ZNF714: variants seen among roughly 807,000 people sequenced by gnomAD.
ZNF714 encodes the protein zinc finger protein 714.
In ZNF714, 32 loss-of-function variants were observed where a neutral mutation model predicts 46.2. That is an observed-to-expected ratio of 0.69 (90% CI 0.52 to 0.93). The LOEUF is 0.93. ZNF714 is among the 40% of genes least tolerant of loss of function. ZNF714 has a pLI of 0.00. For synonymous variants in ZNF714, 199 were observed against 213.1 expected (o/e 0.93, Z 0.58); for missense variants, 635 against 646.3 (o/e 0.98, Z 0.19).
At chr19:21,097,481 A>G (rs1438486396) in intron 2 of ZNF714, among the ~76,000 whole-genome samples, 3 of 152,176 alleles carry the variant, frequency 2.0e-5, no homozygotes, top group Admixed American at 6.5e-5. Flanking sequence ...TTTTTTCACT[A>G]TAGAGTTAAT....
Position 21,117,220 on chromosome 19 carries a change from T to A in ZNF714, c.556T>A (p.Ser186Thr), listed in dbSNP as rs894720707. 11 of 1,613,964 alleles carry A rather than the reference T, an allele frequency of 6.8e-6. No homozygotes were observed. Among genetic ancestry groups the A allele is most frequent in the Admixed American group, 5.0e-5 (3 of 60,000 alleles). The change falls in exon 5 of 5, where the codon TCA (serine) becomes ACA (threonine). Residue 186 changes from serine (S) to threonine (T), a missense_variant. By Grantham distance (58) the Ser-to-Thr change is moderately conservative. Transcript: ENST00000456283. ...ATGTGACAAAGTGTTTAAGCGGTTC[T>A]CAACCCTTACTAGACACAAGAGAGT... Reference protein sequence around the residue: ...EECDKVFKRFSTLTRHKRVHT... With the variant: ...EECDKVFKRFTTLTRHKRVHT...
chr19:21,102,165 G>T (rs1969196757), intron 4 of ZNF714, among the ~76,000 whole-genome samples: 1 of 152,110 alleles, frequency 6.6e-6, no homozygotes. Context: ...TAATCAAATA[G>T]AGCACCTTTT....
intron 4 of ZNF714, among the ~76,000 whole-genome samples, chr19:21,112,113 G>A (rs1184024586): frequency 6.6e-6 from 1 of 152,180 alleles, no homozygotes; most frequent in Non-Finnish European, 1.5e-5. Flanking sequence ...CATAGAATGA[G>A]TTAAGGAGAG....
chr19:21,100,811 A>G (rs1969160986), intron 4 of ZNF714, among the ~76,000 whole-genome samples: 1 of 151,984 alleles, frequency 6.6e-6, no homozygotes, highest in Non-Finnish European at 1.5e-5. Flanking sequence ...CCTGGGTTCA[A>G]ATGATTCTCC....
chr19:21,116,643 T>C (rs1273280927), intron 4 of ZNF714, among the ~76,000 whole-genome samples, 164 bp from the exon 5 acceptor site: 1 of 152,170 alleles, frequency 6.6e-6, no homozygotes. Flanking sequence ...TGTATTTTGG[T>C]CAGTATGCTT....
rs372934750 is a variant in ZNF714, at chr19:21,116,932, G to A, written c.268G>A (p.Ala90Thr). The change falls in exon 5 of 5, where the codon GCA becomes ACA. Residue 90 changes from alanine (A) to threonine (T), a missense_variant. Ala to Thr is a moderately conservative substitution (Grantham distance 58). Transcript: ENST00000456283. ...GAATTTACAGTTAAGAAAAGGCTCC[G>A]CAAATGTGGTTGAGTGTAAGGTGTA... is the stretch of plus-strand genomic sequence containing the variant. ...HENLQLRKGS[A>T]NVVECKVYKK... 1.5e-5 allele frequency: 24 copies of A among 1,613,740 alleles called. No individual in the cohort carries two copies. The highest frequency in any genetic ancestry group is 5.5e-5 in the South Asian group (5 of 91,060).
intron 4 of ZNF714, among the ~76,000 whole-genome samples, chr19:21,110,400 G>A (rs1477484648): frequency 1.3e-5 from 2 of 151,904 alleles, no homozygotes; most frequent in African/African-American, 4.8e-5. Context: ...CTTCTTTTGA[G>A]GCGTGTTTCT....
chr19:21,103,123 A>G (rs1969224622), intron 4 of ZNF714, among the ~76,000 whole-genome samples: 2 of 150,610 alleles, frequency 1.3e-5, no homozygotes, highest in African/African-American at 4.9e-5. Context: ...ATGTCTTATT[A>G]TCTCCATGTG....
Position 21,117,963 on chromosome 19 carries a change from T to G in ZNF714, c.1299T>G (p.Ala433=). The change falls in exon 5 of 5, where the codon GCT becomes GCG. Residue 433 remains alanine (A), a synonymous_variant. Transcript: ENST00000456283. Reference sequence around the variant, plus strand: ...ACAAATGTGAAGAATGTGGCAAAGCTTTTAACCGATCCTCAAACCTTACTA... The same window carrying G: ...ACAAATGTGAAGAATGTGGCAAAGCGTTTAACCGATCCTCAAACCTTACTA... ...KLYKCEECGK[A]FNRSSNLTTH... The G allele has an allele frequency of 6.2e-7, 1 of 1,608,376 alleles. No individual in the cohort carries two copies. Among genetic ancestry groups the G allele is most frequent in the Non-Finnish European group, 8.5e-7 (1 of 1,178,528 alleles).
Position 21,118,155 on chromosome 19 carries a change from T to C in ZNF714, c.1491T>C (p.Thr497=), listed in dbSNP as rs2144883281. The C allele has an allele frequency of 6.2e-7, 1 of 1,613,550 alleles. No individual in the cohort carries two copies. Among genetic ancestry groups the C allele is most frequent in the Admixed American group, 1.7e-5 (1 of 59,970 alleles). Reference sequence around the variant, plus strand: ...CCTTTAACCAATCCTCAACTCTTACTAAACATAGGAAAATTCAGCAGGGCA... The same window carrying C: ...CCTTTAACCAATCCTCAACTCTTACCAAACATAGGAAAATTCAGCAGGGCA... ...GKAFNQSSTL[T]KHRKIQQGMV... The change falls in exon 5 of 5, where the codon ACT becomes ACC. Residue 497 remains threonine (T), a synonymous_variant. Transcript: ENST00000456283.
intron 2 of ZNF714, among the ~76,000 whole-genome samples, chr19:21,097,301 C>T (rs763700196): frequency 2.9e-4 from 44 of 152,168 alleles, no homozygotes; most frequent in Non-Finnish European, 3.8e-4. Context: ...TCTTGACCTT[C>T]GCATGAAACT....
chr19:21,083,297 A>G (rs1438621038), intron 1 of ZNF714, among the ~76,000 whole-genome samples: 2 of 152,140 alleles, frequency 1.3e-5, no homozygotes. Flanking sequence ...GGCCTCCCCA[A>G]AGTGCTGGGA....
rs1969759645 is a variant in ZNF714 at position 21,124,380 on chromosome 19, T to G, written c.*6048T>G. On this transcript the variant is annotated 3_prime_UTR_variant, in exon 5 of 5. Coordinates refer to ENST00000456283, the MANE Select transcript of ZNF714 (RefSeq NM_182515.4). ...TGTTAAATATCAGAGTTCCTATGAT[T>G]ATGACTAAAAAATTAAATGACAATA... Among the ~76,000 whole-genome samples, 1 of 152,220 alleles carries G rather than the reference T, an allele frequency of 6.6e-6. No homozygotes were observed. Among genetic ancestry groups the G allele is most frequent in the Non-Finnish European group, 1.5e-5 (1 of 68,046 alleles).
Position 21,124,854 on chromosome 19 carries a change from AT to A in ZNF714, c.*6524del, listed in dbSNP as rs1293640726. The A allele has an allele frequency of 2.6e-5, 4 of 152,018 alleles. No homozygotes were observed. In the South Asian group the frequency reaches 8.3e-4, roughly 32 times the overall value. 9.4% of individuals were successfully genotyped at this position (152,018 alleles called of 1,614,324 possible). On this transcript the variant is annotated 3_prime_UTR_variant, in exon 5 of 5. Coordinates refer to ENST00000456283, the MANE Select transcript of ZNF714 (RefSeq NM_182515.4). ...CCATGTATAGGTGAAATCATGAAAT[AT>A]TAATCTTTCTGTGCCTGGCCTATCC...
chr19:21,107,717 T>A (rs1382319461), intron 4 of ZNF714, among the ~76,000 whole-genome samples: 1 of 152,118 alleles, frequency 6.6e-6, no homozygotes, highest in Non-Finnish European at 1.5e-5. Context: ...GAGACAGGGT[T>A]TTCTTACGTT....
chr19:21,114,268 CT>C (rs1403617071), intron 4 of ZNF714, among the ~76,000 whole-genome samples: 1 of 151,856 alleles, frequency 6.6e-6, no homozygotes, highest in Non-Finnish European at 1.5e-5. Context: ...GAAACCTCGT[CT>C]ACTAAAAATA....
intron 4 of ZNF714, among the ~76,000 whole-genome samples, chr19:21,106,286 C>T (rs1260781370): frequency 6.8e-5 from 10 of 148,042 alleles, no homozygotes; most frequent in Non-Finnish European, 1.1e-4. Flanking sequence ...AAAATAAAAT[C>T]GGGCCGGGCA....
Position 21,117,803 on chromosome 19 carries a change from A to G in ZNF714, c.1139A>G (p.His380Arg), listed in dbSNP as rs1256567295. 6 of 1,610,500 alleles carry G rather than the reference A, an allele frequency of 3.7e-6. No individual in the cohort carries two copies. The highest frequency in any genetic ancestry group is 4.2e-6 in the Non-Finnish European group (5 of 1,178,620). Residue 380 changes from histidine to arginine, a missense_variant, in exon 5 of 5, where the codon CAC (histidine) becomes CGC (arginine). Transcript: ENST00000456283. ...KCEECGKAFN[H>R]SSKLTIHKII... is the part of the protein sequence containing the mutation. ...GAAGAATGTGGCAAAGCCTTTAACC[A>G]CTCCTCAAAACTTACTATACATAAG... is the stretch of plus-strand genomic sequence containing the variant.
chr19:21,116,949 T>A lies in ZNF714; in HGVS notation c.285T>A (p.Cys95Ter). ...LRKGSANVVECKVYKKGYNEL... is the reference protein window; with the variant it reads ...LRKGSANVVE ...AAGGCTCCGCAAATGTGGTTGAGTG[T>A]AAGGTGTACAAAAAAGGTTATAATG... Residue 95 changes from cysteine (C) to a stop codon, truncating the protein, a stop_gained, in exon 5 of 5, where the codon TGT becomes TGA. Coordinates refer to ENST00000456283, the MANE Select transcript of ZNF714 (RefSeq NM_182515.4). LOFTEE classifies it high-confidence loss of function. 6.2e-7 allele frequency: 1 copy of A among 1,611,508 alleles called. No individual in the cohort carries two copies. The highest frequency in any genetic ancestry group is 8.5e-7 in the Non-Finnish European group (1 of 1,179,682).
Sources: gnomAD v4.1 joint callset for allele counts (sites outside exome capture counted in the v4.1 genomes callset) on GRCh38, gnomAD v4.1.1 for gene constraint, MANE v1.5 for transcripts, NCBI Gene and HGNC (gene_info 2026-07-23, HGNC 2026-07-21) for gene names.